TLE1: variants seen among roughly 807,000 people sequenced by gnomAD.
The protein encoded by TLE1 is transducin-like enhancer protein 1.
TLE1 carries 21 observed loss-of-function variants against 89.8 expected under a neutral mutation model. The ratio of observed to expected loss-of-function variants is 0.23; its 90% CI spans 0.17 to 0.34. The LOEUF (loss-of-function observed/expected upper bound fraction) is 0.34, where lower values mean the gene tolerates loss of function less well. Ranked by LOEUF, TLE1 falls within the 10% of genes least tolerant of loss-of-function variation. The pLI is 1.00. For missense variants in TLE1, 795 were observed against 1,031.2 expected (o/e 0.77, Z 3.14); for synonymous variants, 447 against 407.6 (o/e 1.10, Z -1.16).
rs928170475 is a variant in TLE1, at chr9:81,688,572, G to C, written c.-332C>G. 3.5e-6 allele frequency: 1 copy of C among 288,918 alleles called. No homozygotes were observed. The highest frequency in any genetic ancestry group is 6.3e-6 in the Non-Finnish European group (1 of 157,536). The allele number at this position is 288,918 out of a possible 1,614,324, so 17.9% of individuals were successfully genotyped here. A position where few individuals can be genotyped will look rare whatever the true frequency, so the allele number is the denominator to read the frequency against. ...CCCCCGGCCTCAGCTGCCCGGGCGGGGAGGCGGGGGCGCGGTGACTCCGAC... is the reference window on the plus strand; with the variant it reads ...CCCCCGGCCTCAGCTGCCCGGGCGGCGAGGCGGGGGCGCGGTGACTCCGAC... On this transcript the variant is annotated 5_prime_UTR_variant, in exon 1 of 20. Transcript: ENST00000376499.
At chr9:81,630,329 AAACTAC>A (rs1317045936) in intron 8 of TLE1, among the ~76,000 whole-genome samples, 2 of 152,172 alleles carry the variant, frequency 1.3e-5, no homozygotes, top group Admixed American at 6.6e-5. Context: ...AAAACTCAAT[AAACTAC>A]AAGGCATTCA....
Position 81,616,752 on chromosome 9 carries a change from G to A in TLE1, c.712-53C>T, listed in dbSNP as rs1824571218. The A allele has an allele frequency of 4.4e-6, 7 of 1,601,350 alleles. No individual in the cohort carries two copies. The South Asian group carries it at 6.6e-5, about 15-fold the overall frequency. Reference sequence around the variant, plus strand: ...TACTAAAAGCTAAGAATAGGTTTGAGGCACAGTTAGATTTCTTTCTATAGT... The same window carrying A: ...TACTAAAAGCTAAGAATAGGTTTGAAGCACAGTTAGATTTCTTTCTATAGT... On this transcript the variant is annotated intron_variant, in intron 9 of 19. Transcript: ENST00000376499.
At chr9:81,661,562 G>A (rs1830798849) in intron 4 of TLE1, among the ~76,000 whole-genome samples, 1 of 152,110 alleles carries the variant, frequency 6.6e-6, no homozygotes, top group African/African-American at 2.4e-5. Context: ...CTGAGGGCTG[G>A]CAAACTGATC....
At chr9:81,631,531 T>C (rs1343342209) in intron 8 of TLE1, among the ~76,000 whole-genome samples, 2 of 152,212 alleles carry the variant, frequency 1.3e-5, no homozygotes, top group Non-Finnish European at 2.9e-5. Context: ...TCCTCGATTC[T>C]CTGGGAAAGG....
At chr9:81,687,172 A>T (rs896002617) in intron 2 of TLE1, among the ~76,000 whole-genome samples, 162 bp downstream of exon 2, 2 of 152,196 alleles carry the variant, frequency 1.3e-5, no homozygotes, top group African/African-American at 4.8e-5. Flanking sequence ...GCGGCCCGGG[A>T]AGAACCAGGA....
At chr9:81,595,484 C>T (rs1830055054) in intron 14 of TLE1, among the ~76,000 whole-genome samples, 1 of 152,094 alleles carries the variant, frequency 6.6e-6, no homozygotes, top group Admixed American at 6.6e-5. Flanking sequence ...AAAAAAATTG[C>T]CAGGTGATAC....
chr9:81,653,580 A>G (rs1350082677), intron 5 of TLE1, among the ~76,000 whole-genome samples: 1 of 152,210 alleles, frequency 6.6e-6, no homozygotes, highest in Non-Finnish European at 1.5e-5. Flanking sequence ...CATAAGTACA[A>G]AAGAACTATC....
At chr9:81,638,103 T>C (rs1216681760) in intron 6 of TLE1, among the ~76,000 whole-genome samples, 1 of 152,200 alleles carries the variant, frequency 6.6e-6, no homozygotes, top group African/African-American at 2.4e-5. Context: ...TGAGAACACC[T>C]GATACTACAT....
intron 8 of TLE1, among the ~76,000 whole-genome samples, chr9:81,630,130 CAAG>C (rs925825286): frequency 1.3e-5 from 2 of 150,082 alleles, no homozygotes; most frequent in African/African-American, 4.9e-5. Flanking sequence ...GAAAGACAAA[CAAG>C]AAGAAAAAAA....
chr9:81,593,249 C>G lies in TLE1; in HGVS notation c.1357G>C (p.Asp453His), dbSNP rs1640244389. ...AAAGGGACAGGCTGCATCTGACCGT[C>G]TGCAGTAACGTGGAAGGAGTATGCA... ...KPAYSFHVTA[D>H]GQMQPVPFPP... is the part of the protein sequence containing the mutation. Residue 453 changes from aspartate (D) to histidine (H), a missense_variant, in exon 15 of 20, where the codon GAC becomes CAC. By Grantham distance (81) the Asp-to-His change is moderately conservative. Transcript: ENST00000376499. The G allele has an allele frequency of 6.2e-7, 1 of 1,613,844 alleles. No individual in the cohort carries two copies. The highest frequency in any genetic ancestry group is 1.1e-5 in the South Asian group (1 of 91,066).
At chr9:81,619,165 A>G (rs7029433) in intron 9 of TLE1, among the ~76,000 whole-genome samples, 32,233 of 152,158 alleles carry the variant, frequency 0.21, 6,607 homozygotes, top group East Asian at 0.58. Context: ...GTACACAATG[A>G]AAGTACATGC....
rs1173697346 is a variant in TLE1, at chr9:81,597,848, TGTG to T, written c.1332-4577_1332-4575del. ...AGTCCCCACCGGGCTCCTTCGCAGC[TGTG>T]GTGAACTGGAAAACAAGACTGTGTT... is the stretch of plus-strand genomic sequence containing the variant. On this transcript the variant is annotated intron_variant, in intron 14 of 19. Transcript: ENST00000376499. Among the ~76,000 whole-genome samples, 3 of 152,314 alleles carry T rather than the reference TGTG, an allele frequency of 2.0e-5. No homozygotes were observed. The East Asian group carries it at 5.8e-4, about 29-fold the overall frequency.
chr9:81,629,391 G>A (rs988428186), intron 8 of TLE1, among the ~76,000 whole-genome samples: 1 of 151,974 alleles, frequency 6.6e-6, no homozygotes, highest in Non-Finnish European at 1.5e-5. Context: ...ATATTTCTCT[G>A]CTCAAGAGCT....
At chr9:81,654,159 T>G in intron 4 of TLE1, 123 bp from the exon 5 acceptor site, 2 of 818,818 alleles carry the variant, frequency 2.4e-6, no homozygotes, top group Non-Finnish European at 3.9e-6. Context: ...ATAAAATGGT[T>G]TCCCCAGGTT....
At chr9:81,686,931 T>C (rs1260756800) in intron 2 of TLE1, among the ~76,000 whole-genome samples, 8 of 152,162 alleles carry the variant, frequency 5.3e-5, no homozygotes, top group Non-Finnish European at 1.2e-4. Context: ...AACCCAATTT[T>C]CTAGTATGGC....
intron 6 of TLE1, among the ~76,000 whole-genome samples, chr9:81,641,104 AAAAAG>A (rs1828052278): frequency 6.6e-6 from 1 of 152,222 alleles, no homozygotes; most frequent in African/African-American, 2.4e-5. Context: ...CAAAAACGTG[AAAAAG>A]AGCATTTGTT....
chr9:81,643,566 CATTTGGT>C, intron 6 of TLE1, among the ~76,000 whole-genome samples: 1 of 151,948 alleles, frequency 6.6e-6, no homozygotes, highest in Non-Finnish European at 1.5e-5. Context: ...GACAGGGTCT[CATTTGGT>C]CACCCAGGTG....
At chr9:81,654,183 T>G in intron 4 of TLE1, 147 bp from the exon 5 acceptor site, 1 of 661,888 alleles carries the variant, frequency 1.5e-6, no homozygotes, top group Non-Finnish European at 2.6e-6. Context: ...TTACTAATAC[T>G]TATCTTGAAA....
At chr9:81,658,829 G>A (rs1830440315) in intron 4 of TLE1, among the ~76,000 whole-genome samples, 1 of 151,962 alleles carries the variant, frequency 6.6e-6, no homozygotes, top group Non-Finnish European at 1.5e-5. Flanking sequence ...TCAACAAAAG[G>A]GTATTCTGGT....
Sources: gnomAD v4.1 joint callset for allele counts (sites outside exome capture counted in the v4.1 genomes callset) on GRCh38, gnomAD v4.1.1 for gene constraint, MANE v1.5 for transcripts, NCBI Gene and HGNC (gene_info 2026-07-23, HGNC 2026-07-21) for gene names.